TMEM129: variants seen among roughly 807,000 people sequenced by gnomAD.
TMEM129 encodes the protein E3 ubiquitin-protein ligase TM129.
In TMEM129, 35 loss-of-function variants were observed where a neutral mutation model predicts 34.1. The observed-to-expected ratio is 1.03, with a 90% confidence interval of 0.78 to 1.36. TMEM129 has a LOEUF of 1.36. Among genes scored for constraint, TMEM129 ranks in the 40% most tolerant of loss-of-function variants. TMEM129 has a pLI of 0.00. For missense variants in TMEM129, 504 were observed against 512.6 expected, an observed-to-expected ratio of 0.98 and a Z score of 0.16; for synonymous variants, 239 against 217.3, an observed-to-expected ratio of 1.10 and a Z score of -0.88.
Position 1,720,789 on chromosome 4 carries a change from C to G in TMEM129, c.49G>C (p.Val17Leu). The change falls in exon 1 of 4, where the codon GTG becomes CTG. Residue 17 changes from valine to leucine, a missense_variant. Transcript: ENST00000382936. The surrounding 1 kb of genome is among the most constrained non-coding windows in gnomAD (Gnocchi z 4.4). Reference protein sequence around the residue: ...TFTLAYLVFAVCFVFTPNEFH... With the variant: ...TFTLAYLVFALCFVFTPNEFH... ...TCGTTGGGCGTGAACACGAAGCACA[C>G]GGCGAACACCAGATAGGCGAGAGTG... 6.3e-7 allele frequency: 1 copy of G among 1,595,294 alleles called. No homozygotes were observed.
intron 1 of TMEM129, chr4:1,719,133 T>C: frequency 9.8e-7 from 1 of 1,022,336 alleles, no homozygotes; most frequent in Non-Finnish European, 1.3e-6. Context: ...GAGGACAATT[T>C]GAAGGTCCAA....
chr4:1,720,557 G>A lies in TMEM129; in HGVS notation c.205+76C>T, dbSNP rs186411405. On this transcript the variant is annotated intron_variant, in intron 1 of 3. Coordinates refer to ENST00000382936, the MANE Select transcript of TMEM129 (RefSeq NM_001127266.2). This position sits in a 1 kb window ranked among gnomAD's most constrained non-coding sequence, Gnocchi z 4.4. ...GGCGCTTTCGGGGCCTCGGGGAGCT[G>A]GCGGAGGCCTCCTCCTGACCTCCCA... is the stretch of plus-strand genomic sequence containing the variant. The A allele has an allele frequency of 3.2e-5, 46 of 1,454,086 alleles. 1 individual carries two copies. The East Asian group carries it at 1.1e-3, about 33-fold the overall frequency. 90.1% of individuals were successfully genotyped at this position (1,454,086 alleles called of 1,614,324 possible).
chr4:1,717,154 A>G lies in TMEM129; in HGVS notation c.*26T>C, dbSNP rs1432655620. 2 of 1,411,170 alleles carry G rather than the reference A, an allele frequency of 1.4e-6. No homozygotes were observed. Among genetic ancestry groups the G allele is most frequent in the South Asian group, 1.5e-5 (1 of 65,406 alleles). 87.4% of individuals were successfully genotyped at this position (1,411,170 alleles called of 1,614,324 possible). ...GCCCTGTGGCTTTGGGGGGAGACACAGAGTCACCTCAAGGCCCCAGCCCAC... is the reference window on the plus strand; with the variant it reads ...GCCCTGTGGCTTTGGGGGGAGACACGGAGTCACCTCAAGGCCCCAGCCCAC... On this transcript the variant is annotated 3_prime_UTR_variant, in exon 4 of 4. Transcript: ENST00000382936.
At chr4:1,718,771 C>T (rs936049304) in intron 1 of TMEM129, 145 bp from the exon 2 acceptor site, 31 of 1,406,274 alleles carry the variant, frequency 2.2e-5, no homozygotes, top group African/African-American at 2.9e-5. Flanking sequence ...CTTCCCCAGC[C>T]GGCCACTCTC....
Position 1,720,647 on chromosome 4 carries a change from G to A in TMEM129, c.191C>T (p.Ser64Leu), listed in dbSNP as rs1018660172. The change falls in exon 1 of 4, where the codon TCG becomes TTG. Residue 64 changes from serine to leucine, a missense_variant. Physicochemically the swap from Ser to Leu is moderately radical, Grantham distance 145 (BLOSUM62 -2). Transcript: ENST00000382936. This position sits in a 1 kb window ranked among gnomAD's most constrained non-coding sequence, Gnocchi z 4.4. ...RRTAATLLCHSLLPLGYYVGM... is the reference protein window; with the variant it reads ...RRTAATLLCHLLLPLGYYVGM... ...AGCAGCCTCACCGAGCGGCAGCAGC[G>A]AGTGGCACAACAGCGTGGCGGCCGT... is the stretch of plus-strand genomic sequence containing the variant. The A allele has an allele frequency of 6.5e-7, 1 of 1,543,406 alleles. No individual in the cohort carries two copies. The highest frequency in any genetic ancestry group is 8.7e-7 in the Non-Finnish European group (1 of 1,146,014).
Position 1,717,693 on chromosome 4 carries a change from G to A in TMEM129, c.681-18C>T. On this transcript the variant is annotated intron_variant, in intron 2 of 3. Transcript: ENST00000382936. ...AGTTCAGCCTGCAGGGAGGAGAGCT[G>A]CTGGGCCCCTCTGCAGGGCAAAGGG... The A allele has an allele frequency of 6.7e-7, 1 of 1,487,424 alleles. No homozygotes were observed. Among genetic ancestry groups the A allele is most frequent in the East Asian group, 2.5e-5 (1 of 40,178 alleles). The allele number at this position is 1,487,424 out of a possible 1,614,324, so 92.1% of individuals were successfully genotyped here.
rs990682075 is a variant in TMEM129, at chr4:1,717,059, G to A, written c.*121C>T. ...CCTTCTGCAGACCCAGGGCAGAGGCGAGTTGCTCTACATCATGTGCTTTAA... is the reference window on the plus strand; with the variant it reads ...CCTTCTGCAGACCCAGGGCAGAGGCAAGTTGCTCTACATCATGTGCTTTAA... On this transcript the variant is annotated 3_prime_UTR_variant, in exon 4 of 4. Coordinates refer to ENST00000382936, the MANE Select transcript of TMEM129 (RefSeq NM_001127266.2). The A allele has an allele frequency of 9.2e-5, 112 of 1,213,654 alleles. No individual in the cohort carries two copies. In the Middle Eastern group the frequency reaches 1.8e-3, roughly 20 times the overall value. 75.2% of individuals were successfully genotyped at this position (1,213,654 alleles called of 1,614,324 possible). A position where few individuals can be genotyped will look rare whatever the true frequency, so the allele number is the denominator to read the frequency against.
Position 1,720,486 on chromosome 4 carries a change from G to A in TMEM129, c.205+147C>T. 3 of 1,072,426 alleles carry A rather than the reference G, an allele frequency of 2.8e-6. No individual in the cohort carries two copies. The highest frequency in any genetic ancestry group is 3.9e-6 in the Non-Finnish European group (3 of 778,342). The allele number at this position is 1,072,426 out of a possible 1,614,324, so 66.4% of individuals were successfully genotyped here. A position where few individuals can be genotyped will look rare whatever the true frequency, so the allele number is the denominator to read the frequency against. On this transcript the variant is annotated intron_variant, in intron 1 of 3. Coordinates refer to ENST00000382936, the MANE Select transcript of TMEM129 (RefSeq NM_001127266.2). The surrounding 1 kb of genome is among the most constrained non-coding windows in gnomAD (Gnocchi z 4.4). ...CCCCTAAGCGCGCTCAGCCCACGCC[G>A]CGGTCCCTCTGGATGAGGACCGGCG...
Position 1,717,591 on chromosome 4 carries a change from G to A in TMEM129, c.765C>T (p.Ser255=), listed in dbSNP as rs1390872449. 6.5e-7 allele frequency: 1 copy of A among 1,549,950 alleles called. No homozygotes were observed. Among genetic ancestry groups the A allele is most frequent in the East Asian group, 2.4e-5 (1 of 40,930 alleles). ...ATGTCTCCAGGAACAGGTCGCCCAG[G>A]CTCTGGTGGATGACCACATGGGCTG... ...RRAAHVVIHQ[S]LGDLFLETFA... Residue 255 remains serine (S), a synonymous_variant, in exon 3 of 4, where the codon AGC becomes AGT. Transcript: ENST00000382936.
intron 1 of TMEM129, chr4:1,718,955 C>T: frequency 8.0e-7 from 1 of 1,253,608 alleles, no homozygotes; most frequent in Admixed American, 3.1e-5. Flanking sequence ...AGGGCAGCTG[C>T]CTGGACAGGA....
rs1369845182 is a variant in TMEM129 at position 1,718,625 on chromosome 4, G to A, written c.207C>T (p.Gly69=). ...TLLCHSLLPL[G]YYVGMCLAAS... ...CCGCAAGGCACATGCCCACATAGTA[G>A]CCTGCAAAGGACAGGGTGAGCCTCA... The change falls in exon 2 of 4, where the codon GGC becomes GGT. Residue 69 remains glycine, a splice_region_variant and synonymous_variant. Transcript: ENST00000382936. 1.4e-6 allele frequency: 2 copies of A among 1,449,920 alleles called. No homozygotes were observed. The highest frequency in any genetic ancestry group is 2.9e-5 in the African/African-American group (2 of 69,716). The allele number at this position is 1,449,920 out of a possible 1,614,324, so 89.8% of individuals were successfully genotyped here.
Position 1,720,686 on chromosome 4 carries a change from A to T in TMEM129, c.152T>A (p.Phe51Tyr). 1 of 1,552,022 alleles carries T rather than the reference A, an allele frequency of 6.4e-7. No homozygotes were observed. The highest frequency in any genetic ancestry group is 2.4e-5 in the East Asian group (1 of 40,970). ...CGTGGCGGCCGTGCGGCGCAAGTGG[A>T]AGGGCACGAAGGCGGCGTCCTCGCT... ...LGSEDAAFVP[F>Y]HLRRTAATLL... The change falls in exon 1 of 4, where the codon TTC (phenylalanine) becomes TAC (tyrosine). Residue 51 changes from phenylalanine (F) to tyrosine (Y), a missense_variant. Coordinates refer to ENST00000382936, the MANE Select transcript of TMEM129 (RefSeq NM_001127266.2). The surrounding 1 kb of genome is among the most constrained non-coding windows in gnomAD (Gnocchi z 4.4).
intron 1 of TMEM129, chr4:1,719,140 C>T (rs1309664480): frequency 1.1e-6 from 1 of 928,716 alleles, no homozygotes; most frequent in African/African-American, 1.7e-5. Flanking sequence ...ATTTGAAGGT[C>T]CAAATAAGCC....
chr4:1,720,547 T>G lies in TMEM129; in HGVS notation c.205+86A>C. The G allele has an allele frequency of 6.9e-7, 1 of 1,440,924 alleles. No individual in the cohort carries two copies. 89.3% of individuals were successfully genotyped at this position (1,440,924 alleles called of 1,614,324 possible). On this transcript the variant is annotated intron_variant, in intron 1 of 3. Coordinates refer to ENST00000382936, the MANE Select transcript of TMEM129 (RefSeq NM_001127266.2). The surrounding 1 kb of genome is among the most constrained non-coding windows in gnomAD (Gnocchi z 4.4). ...GCTGCGCCCAGGCGCTTTCGGGGCCTCGGGGAGCTGGCGGAGGCCTCCTCC... is the reference window on the plus strand; with the variant it reads ...GCTGCGCCCAGGCGCTTTCGGGGCCGCGGGGAGCTGGCGGAGGCCTCCTCC...
At chr4:1,719,642 AG>A (rs1717174355) in intron 1 of TMEM129, among the ~76,000 whole-genome samples, 1 of 152,272 alleles carries the variant, frequency 6.6e-6, no homozygotes, top group African/African-American at 2.4e-5. Context: ...TGTCTGCTCC[AG>A]GTGTGGCTGC....
At chr4:1,717,702 C>A in intron 2 of TMEM129, 27 bp from the exon 3 acceptor site, 2 of 1,476,318 alleles carry the variant, frequency 1.4e-6, no homozygotes, top group Non-Finnish European at 9.0e-7. Context: ...TGCTGGGCCC[C>A]TCTGCAGGGC....
chr4:1,719,467 C>G (rs564249361), intron 1 of TMEM129, among the ~76,000 whole-genome samples: 1 of 152,130 alleles, frequency 6.6e-6, no homozygotes, highest in Admixed American at 6.5e-5. Context: ...TGCAGTGAGC[C>G]GAGATCATGC....
chr4:1,718,532 G>A lies in TMEM129; in HGVS notation c.300C>T (p.Ala100=), dbSNP rs756897151. 117 of 1,518,744 alleles carry A rather than the reference G, an allele frequency of 7.7e-5. No individual in the cohort carries two copies. The highest frequency in any genetic ancestry group is 1.6e-4 in the South Asian group (13 of 79,710). 94.1% of individuals were successfully genotyped at this position (1,518,744 alleles called of 1,614,324 possible). ...TGCAGGCGATGGAGGGGAGGGTCACGGCCAGCAGCAGGAAGAGCCGCCAGG... is the reference window on the plus strand; with the variant it reads ...TGCAGGCGATGGAGGGGAGGGTCACAGCCAGCAGCAGGAAGAGCCGCCAGG... The part of the protein sequence containing the change: ...PEAWRLFLLL[A]VTLPSIACIL... Residue 100 remains alanine, a synonymous_variant, in exon 2 of 4, where the codon GCC becomes GCT. Transcript: ENST00000382936.
chr4:1,718,925 G>C, intron 1 of TMEM129: 3 of 1,276,610 alleles, frequency 2.3e-6, no homozygotes, highest in Non-Finnish European at 2.0e-6. Flanking sequence ...ACCTCAGGCA[G>C]AGCTGACCCC....
Sources: gnomAD v4.1 joint callset for allele counts (sites outside exome capture counted in the v4.1 genomes callset) on GRCh38, gnomAD v4.1.1 for gene constraint, Gnocchi (gnomAD v3.1) non-coding constraint, MANE v1.5 for transcripts, NCBI Gene and HGNC (gene_info 2026-07-23, HGNC 2026-07-21) for gene names.